The following C3orf70 variants were observed in gnomAD, a reference collection of about 807,000 sequenced individuals.
C3orf70 encodes chromosome 3 open reading frame 70.
In C3orf70, 15 loss-of-function variants were observed where a neutral mutation model predicts 20.7. The observed-to-expected ratio is 0.72, with a 90% CI of 0.48 to 1.11. The LOEUF is 1.11. Ranked by LOEUF, C3orf70 falls within the 50% of genes most tolerant of loss-of-function variation. The probability of loss-of-function intolerance (pLI) is 0.00; values close to 1 mark genes in which losing one functional copy is unlikely to be tolerated. For missense variants in C3orf70, 332 were observed against 317.6 expected (o/e 1.05, Z -0.34); for synonymous variants, 161 against 125.7 (o/e 1.28, Z -1.88).
chr3:185,125,207 C>G (rs533308556), intron 1 of C3orf70, among the ~76,000 whole-genome samples: 1 of 152,202 alleles, frequency 6.6e-6, no homozygotes, highest in Non-Finnish European at 1.5e-5. Flanking sequence ...TGGAGAAAAC[C>G]TGTCTCTACT....
intron 1 of C3orf70, among the ~76,000 whole-genome samples, chr3:185,131,309 A>G (rs141363560): frequency 1.9e-3 from 288 of 152,352 alleles, no homozygotes; most frequent in Admixed American, 3.3e-3. Context: ...TCAGAACTCT[A>G]TGACTAGGTG....
chr3:185,125,791 A>C (rs1716397999), intron 1 of C3orf70, among the ~76,000 whole-genome samples: 1 of 152,214 alleles, frequency 6.6e-6, no homozygotes, highest in Non-Finnish European at 1.5e-5. Flanking sequence ...AAAAAGTATA[A>C]TAAAAAGGTT....
chr3:185,132,381 A>T (rs1716539616), intron 1 of C3orf70, among the ~76,000 whole-genome samples: 2 of 151,962 alleles, frequency 1.3e-5, no homozygotes, highest in African/African-American at 4.8e-5. Flanking sequence ...TCTTTTTCAA[A>T]ATGACTATTT....
chr3:185,123,033 C>G (rs1459205298), intron 1 of C3orf70, among the ~76,000 whole-genome samples: 1 of 151,360 alleles, frequency 6.6e-6, no homozygotes, highest in Non-Finnish European at 1.5e-5. Context: ...CAAAAATTAG[C>G]CAGGCATGGT....
Position 185,149,896 on chromosome 3 carries a change from G to A in C3orf70, c.196+2732C>T, listed in dbSNP as rs917952488. Among the ~76,000 whole-genome samples, 4 of 152,254 alleles carry A rather than the reference G, an allele frequency of 2.6e-5. No individual in the cohort carries two copies. The East Asian group carries it at 5.8e-4, about 22-fold the overall frequency. Reference sequence around the variant, plus strand: ...CCAACGACAGTCCAGTATACTTGACGTCAATCCTTTTCTAAATTCAGATTA... The same window carrying A: ...CCAACGACAGTCCAGTATACTTGACATCAATCCTTTTCTAAATTCAGATTA... On this transcript the variant is annotated intron_variant, in intron 1 of 1. Transcript: ENST00000335012.
At chr3:185,095,027 C>T (rs1307675818) in intron 1 of C3orf70, among the ~76,000 whole-genome samples, 1 of 152,174 alleles carries the variant, frequency 6.6e-6, no homozygotes, top group African/African-American at 2.4e-5. Context: ...GAGTGGCTGA[C>T]TGCAGAAGCT....
intron 1 of C3orf70, among the ~76,000 whole-genome samples, chr3:185,106,968 C>A (rs886419369): frequency 7.2e-5 from 11 of 152,114 alleles, no homozygotes; most frequent in African/African-American, 2.7e-4. Flanking sequence ...CCTGATTGTG[C>A]CGTATGTGGA....
intron 1 of C3orf70, among the ~76,000 whole-genome samples, chr3:185,148,230 C>T (rs1716915487): frequency 6.6e-6 from 1 of 152,208 alleles, no homozygotes; most frequent in African/African-American, 2.4e-5. Context: ...CAGACCTCTC[C>T]TCTGAGTTCT....
Position 185,089,747 on chromosome 3 carries a change from G to A in C3orf70, c.197-6184C>T, listed in dbSNP as rs1715526834. ...AATAATGGAAGTGATCATACAACAT[G>A]ACTAACACAAAAACCAACTGTGACC... On this transcript the variant is annotated intron_variant, in intron 1 of 1. Coordinates refer to ENST00000335012, the MANE Select transcript of C3orf70 (RefSeq NM_001025266.3). 4.6e-5 allele frequency among the ~76,000 whole-genome samples: 7 copies of A among 152,204 alleles called. No individual in the cohort carries two copies. In the South Asian group the frequency reaches 1.5e-3, roughly 32 times the overall value.
At chr3:185,145,301 A>C (rs1716834100) in intron 1 of C3orf70, among the ~76,000 whole-genome samples, 1 of 152,256 alleles carries the variant, frequency 6.6e-6, no homozygotes, top group East Asian at 1.9e-4. Context: ...TAAGTTCAAC[A>C]GGCTTGGAAG....
intron 1 of C3orf70, among the ~76,000 whole-genome samples, chr3:185,092,523 C>T (rs559142667): frequency 6.6e-6 from 1 of 152,272 alleles, no homozygotes; most frequent in African/African-American, 2.4e-5. Context: ...ATGCCAGGCA[C>T]TGAGCTAGGT....
At chr3:185,083,603 C>A (rs1395671885) in intron 1 of C3orf70, 40 bp from the exon 2 acceptor site, 1 of 1,499,242 alleles carries the variant, frequency 6.7e-7, no homozygotes. Context: ...CTATATTACA[C>A]AAACTATATT....
At chr3:185,105,938 T>C (rs1715928644) in intron 1 of C3orf70, among the ~76,000 whole-genome samples, 1 of 152,118 alleles carries the variant, frequency 6.6e-6, no homozygotes, top group Admixed American at 6.5e-5. Flanking sequence ...AAGGAGAGTA[T>C]AGCAAAGTAA....
intron 1 of C3orf70, among the ~76,000 whole-genome samples, chr3:185,083,969 T>C (rs1305651839): frequency 2.0e-5 from 3 of 152,170 alleles, no homozygotes; most frequent in Non-Finnish European, 2.9e-5. Context: ...CAGATCACTT[T>C]AGGTCAGGAG....
chr3:185,126,923 TA>T (rs926623615), intron 1 of C3orf70, among the ~76,000 whole-genome samples: 14 of 152,312 alleles, frequency 9.2e-5, no homozygotes, highest in African/African-American at 3.1e-4. Flanking sequence ...AATCACGTGA[TA>T]AAAATATTAT....
intron 1 of C3orf70, among the ~76,000 whole-genome samples, chr3:185,123,352 G>T (rs937211060): frequency 1.3e-5 from 2 of 151,988 alleles, no homozygotes; most frequent in Admixed American, 6.6e-5. Flanking sequence ...GAGGACATAT[G>T]TAGTGGTGAC....
intron 1 of C3orf70, among the ~76,000 whole-genome samples, chr3:185,096,573 C>T (rs558417144): frequency 1.1e-4 from 17 of 152,240 alleles, no homozygotes; most frequent in South Asian, 6.2e-4. Context: ...TTACAGTGAA[C>T]GTGATGACAC....
intron 1 of C3orf70, among the ~76,000 whole-genome samples, chr3:185,095,301 C>A (rs1453985192): frequency 6.6e-6 from 1 of 152,096 alleles, no homozygotes; most frequent in Non-Finnish European, 1.5e-5. Context: ...ACAATGAAAT[C>A]CCTATCGGGG....
intron 1 of C3orf70, among the ~76,000 whole-genome samples, chr3:185,131,058 C>T (rs1050720596): frequency 6.6e-6 from 1 of 152,152 alleles, no homozygotes; most frequent in African/African-American, 2.4e-5. Context: ...CGTGGTTACA[C>T]CATTTTATAT....
Sources: gnomAD v4.1 joint callset for allele counts (sites outside exome capture counted in the v4.1 genomes callset) on GRCh38, gnomAD v4.1.1 for gene constraint, MANE v1.5 for transcripts, NCBI Gene and HGNC (gene_info 2026-07-23, HGNC 2026-07-21) for gene names.